Variants in NARS2 observed in about 807,000 individuals in gnomAD.
NARS2 encodes asparaginyl-tRNA synthetase 2, mitochondrial, also known as asparaginyl-tRNA synthetase.
A neutral mutation model predicts 62.9 loss-of-function variants in NARS2; 60 were observed. That is an observed-to-expected ratio of 0.95 (90% confidence interval 0.77 to 1.18). NARS2 has a LOEUF of 1.18. Ranked by LOEUF, NARS2 falls within the 50% of genes most tolerant of loss-of-function variation. The pLI is 0.00. For synonymous variants in NARS2, 196 were observed against 200.0 expected, an observed-to-expected ratio of 0.98 and a Z score of 0.17; for missense variants, 619 against 576.4, an observed-to-expected ratio of 1.07 and a Z score of -0.76.
chr11:78,548,451 T>C (rs1043859603), intron 5 of NARS2, among the ~76,000 whole-genome samples: 1 of 152,196 alleles, frequency 6.6e-6, no homozygotes. Context: ...CATAAAAATG[T>C]ATAAGCACCA....
intron 11 of NARS2, among the ~76,000 whole-genome samples, chr11:78,455,258 A>C (rs1018146311): frequency 3.3e-5 from 5 of 152,164 alleles, no homozygotes; most frequent in Non-Finnish European, 5.9e-5. Context: ...TTATCACCCA[A>C]TAATTCCTTA....
intron 3 of NARS2, 149 bp from the exon 4 acceptor site, chr11:78,566,421 T>A (rs760421352): frequency 3.8e-5 from 24 of 628,312 alleles, no homozygotes; most frequent in Non-Finnish European, 5.8e-5. Context: ...TTAATCCACA[T>A]TATTTCCACC....
At chr11:78,540,722 T>G (rs1855580211) in intron 5 of NARS2, among the ~76,000 whole-genome samples, 1 of 152,190 alleles carries the variant, frequency 6.6e-6, no homozygotes, top group South Asian at 2.1e-4. Flanking sequence ...CAATTTCCTT[T>G]GAAGATCATG....
intron 11 of NARS2, among the ~76,000 whole-genome samples, chr11:78,462,025 G>A (rs1003382649): frequency 5.3e-5 from 8 of 152,242 alleles, no homozygotes; most frequent in African/African-American, 1.9e-4. Flanking sequence ...CTATAGTTTC[G>A]CTAATTCGCA....
chr11:78,519,297 CT>C (rs1489353540), intron 6 of NARS2, among the ~76,000 whole-genome samples: 1 of 152,084 alleles, frequency 6.6e-6, no homozygotes, highest in East Asian at 1.9e-4. Flanking sequence ...CAATCACAAA[CT>C]AATCAATTAA....
At chr11:78,481,496 T>G (rs890308833) in intron 7 of NARS2, among the ~76,000 whole-genome samples, 1 of 152,150 alleles carries the variant, frequency 6.6e-6, no homozygotes, top group African/African-American at 2.4e-5. Flanking sequence ...GTACACCCAT[T>G]TGTAAGATGA....
chr11:78,559,502 C>T (rs1388861264), intron 5 of NARS2, 37 bp downstream of exon 5: 15 of 1,291,274 alleles, frequency 1.2e-5, no homozygotes, highest in Non-Finnish European at 1.7e-5. Context: ...AAATATTAAA[C>T]AGCAATGTAC....
At chr11:78,515,200 G>A (rs1473292575) in intron 6 of NARS2, among the ~76,000 whole-genome samples, 1 of 152,128 alleles carries the variant, frequency 6.6e-6, no homozygotes, top group East Asian at 1.9e-4. Flanking sequence ...GTTTACATAT[G>A]AACAGTAAAT....
intron 4 of NARS2, among the ~76,000 whole-genome samples, chr11:78,564,885 G>C (rs7936011): frequency 1.3e-5 from 2 of 152,038 alleles, no homozygotes; most frequent in Non-Finnish European, 2.9e-5. Context: ...GACCAAAAGT[G>C]AATCTGAAGG....
chr11:78,491,955 C>T (rs1246791581), intron 7 of NARS2, among the ~76,000 whole-genome samples: 1 of 151,980 alleles, frequency 6.6e-6, no homozygotes, highest in African/African-American at 2.4e-5. Context: ...ATGAAAATCA[C>T]TAAAATAAAC....
chr11:78,442,016 G>C (rs1241407371), intron 12 of NARS2, among the ~76,000 whole-genome samples: 1 of 152,176 alleles, frequency 6.6e-6, no homozygotes, highest in Admixed American at 6.5e-5. Flanking sequence ...CAGAAAACAT[G>C]AAGAGCAGCC....
intron 5 of NARS2, among the ~76,000 whole-genome samples, chr11:78,541,057 G>C (rs560835168): frequency 4.6e-5 from 7 of 152,272 alleles, no homozygotes; most frequent in African/African-American, 1.7e-4. Context: ...TACTTGGGAG[G>C]CTCAGTCATG....
chr11:78,488,148 T>C (rs1197942516), intron 7 of NARS2, among the ~76,000 whole-genome samples: 1 of 151,958 alleles, frequency 6.6e-6, no homozygotes, highest in Middle Eastern at 3.2e-3. Context: ...GGTATGTGAA[T>C]TGTGATTGGC....
chr11:78,494,469 CTTTTTTTTT>C (rs11437113), intron 6 of NARS2, among the ~76,000 whole-genome samples: 1 of 133,222 alleles, frequency 7.5e-6, no homozygotes, highest in African/African-American at 2.8e-5. Context: ...TTTTCTTTTT[CTTTTTTTTT>C]TTTTTTTTAG....
chr11:78,563,847 A>AT (rs1390082108), intron 4 of NARS2, among the ~76,000 whole-genome samples: 83 of 65,978 alleles, frequency 1.3e-3, no homozygotes, highest in African/African-American at 5.0e-3. Context: ...AAAAAAAAAA[A>AT]AAAAATATAT....
At chr11:78,568,824 T>G in intron 2 of NARS2, 72 bp from the exon 3 acceptor site, 1 of 1,213,814 alleles carries the variant, frequency 8.2e-7, no homozygotes, top group Non-Finnish European at 1.2e-6. Flanking sequence ...AACTTTGCAA[T>G]AAGAATATTA....
At chr11:78,482,470 G>C (rs1260181035) in intron 7 of NARS2, among the ~76,000 whole-genome samples, 1 of 151,950 alleles carries the variant, frequency 6.6e-6, no homozygotes, top group African/African-American at 2.4e-5. Context: ...CTGGTTTTTT[G>C]AAAAGATTAA....
intron 9 of NARS2, among the ~76,000 whole-genome samples, chr11:78,470,310 GT>G (rs1858813641): frequency 6.6e-6 from 1 of 152,050 alleles, no homozygotes. Context: ...TGTCTACATA[GT>G]TTTAAAAAAA....
intron 1 of NARS2, chr11:78,571,741 T>C (rs570537575): frequency 8.5e-6 from 2 of 236,606 alleles, no homozygotes; most frequent in South Asian, 1.5e-4. Flanking sequence ...ATATTGGCAA[T>C]TCCAGGTATT....
Sources: allele counts gnomAD v4.1 joint callset (sites outside exome capture counted in the v4.1 genomes callset), GRCh38; gene constraint gnomAD v4.1.1; transcripts MANE v1.5; gene names NCBI Gene and HGNC (gene_info 2026-07-23, HGNC 2026-07-21).